The following GPNMB variants were observed in gnomAD, a reference collection of about 807,000 sequenced individuals.
GPNMB encodes glycoprotein nmb.
A neutral mutation model predicts 57.3 loss-of-function variants in GPNMB; 71 were observed. The ratio of observed to expected loss-of-function variants is 1.24; its 90% CI spans 1.02 to 1.51. GPNMB has a LOEUF of 1.51. GPNMB is among the 40% of genes most tolerant of loss of function. The pLI, the probability that GPNMB is intolerant of heterozygous loss-of-function variation, is 0.00. For synonymous variants in GPNMB, 253 were observed against 263.2 expected (o/e 0.96, Z 0.38); for missense variants, 677 against 691.9 (o/e 0.98, Z 0.24).
chr7:23,273,420 T>A (rs1489555069), intron 9 of GPNMB, 101 bp from the exon 10 acceptor site: 1 of 742,232 alleles, frequency 1.3e-6, no homozygotes, highest in African/African-American at 1.7e-5. Flanking sequence ...GAGCCATATA[T>A]CTTCTGTGAC....
At chr7:23,255,285 G>A (rs140511030) in intron 3 of GPNMB, among the ~76,000 whole-genome samples, 3,770 of 152,250 alleles carry the variant, frequency 0.025, 158 homozygotes, top group African/African-American at 0.086. Flanking sequence ...CCAAAGCGCC[G>A]GGATTACAGG....
chr7:23,257,142 T>C (rs1212824827), intron 4 of GPNMB, 77 bp downstream of exon 4: 2 of 1,231,284 alleles, frequency 1.6e-6, no homozygotes, highest in East Asian at 4.6e-5. Context: ...TACTCTATAA[T>C]TGAGAATGAT....
intron 4 of GPNMB, 83 bp downstream of exon 4, chr7:23,257,148 A>C (rs748879173): frequency 9.4e-6 from 11 of 1,171,790 alleles, no homozygotes; most frequent in Non-Finnish European, 9.0e-6. Context: ...ATAATTGAGA[A>C]TGATAACACA....
rs1782877995 is a variant in GPNMB, at chr7:23,260,082, G to T, written c.644G>T (p.Arg215Ile). The change falls in exon 5 of 11, where the codon AGA becomes ATA. Residue 215 changes from arginine to isoleucine, a missense_variant. By Grantham distance (97) the Arg-to-Ile change is moderately conservative. Transcript: ENST00000258733. ...CTCATGGAAGTGACTGTCTACAGAA[G>T]ACATGGACGGGCATATGTTCCCATC... ...PQLMEVTVYR[R>I]HGRAYVPIAQ... 4 of 1,614,064 alleles carry T rather than the reference G, an allele frequency of 2.5e-6. No individual in the cohort carries two copies. The highest frequency in any genetic ancestry group is 3.4e-6 in the Non-Finnish European group (4 of 1,179,936).
At chr7:23,273,830 C>T (rs755446171) in intron 10 of GPNMB, 3 of 580,830 alleles carry the variant, frequency 5.2e-6, no homozygotes, top group Non-Finnish European at 9.0e-6. Context: ...AGTAACTTTA[C>T]AAAATTATGT....
At chr7:23,247,022 G>A in intron 1 of GPNMB, 95 bp downstream of exon 1, 1 of 936,500 alleles carries the variant, frequency 1.1e-6, no homozygotes, top group Non-Finnish European at 1.8e-6. Flanking sequence ...TTGGACTGAA[G>A]TTCTTCAGGA....
chr7:23,270,228 T>A, intron 9 of GPNMB, 53 bp downstream of exon 9: 1 of 1,215,866 alleles, frequency 8.2e-7, no homozygotes, highest in Non-Finnish European at 1.2e-6. Context: ...GTAAAGTGTG[T>A]ATCCCATACT....
chr7:23,261,893 T>G (rs1483710587), intron 6 of GPNMB, among the ~76,000 whole-genome samples: 1 of 151,944 alleles, frequency 6.6e-6, no homozygotes, highest in Non-Finnish European at 1.5e-5. Context: ...TCCTTAAGAG[T>G]CCACTTTGGG....
At position 23,260,135 on chromosome 7, in the gene GPNMB, A is replaced by G. The variant is rs201959732; in HGVS notation, c.697A>G (p.Thr233Ala). Reference sequence around the variant, plus strand: ...ACAAGTGAAAGATGTGTACGTGGTAACAGGTGAGTGGTGTGAACTCTAACT... The same window carrying G: ...ACAAGTGAAAGATGTGTACGTGGTAGCAGGTGAGTGGTGTGAACTCTAACT... ...IAQVKDVYVV[T>A]DQIPVFVTMF... is the part of the protein sequence containing the mutation. The change falls in exon 5 of 11, where the codon ACA becomes GCA. Residue 233 changes from threonine (T) to alanine (A), a missense_variant. By Grantham distance (58) the Thr-to-Ala change is moderately conservative (BLOSUM62 0). Coordinates refer to ENST00000258733, the MANE Select transcript of GPNMB (RefSeq NM_002510.3). 31 of 1,613,818 alleles carry G rather than the reference A, an allele frequency of 1.9e-5. No individual in the cohort carries two copies. Among genetic ancestry groups the G allele is most frequent in the Non-Finnish European group, 2.3e-5 (27 of 1,179,846 alleles).
chr7:23,270,291 T>G, intron 9 of GPNMB, 116 bp downstream of exon 9: 1 of 658,186 alleles, frequency 1.5e-6, no homozygotes, highest in East Asian at 2.8e-5. Context: ...AGTACAAAAT[T>G]CATTGAACTC....
chr7:23,272,511 G>A (rs1475487687), intron 9 of GPNMB, among the ~76,000 whole-genome samples: 1 of 152,038 alleles, frequency 6.6e-6, no homozygotes, highest in Non-Finnish European at 1.5e-5. Context: ...GAGAGAGAGA[G>A]TGAGAAAGAG....
chr7:23,249,089 T>G (rs951166854), intron 1 of GPNMB, among the ~76,000 whole-genome samples: 2 of 152,222 alleles, frequency 1.3e-5, no homozygotes, highest in African/African-American at 4.8e-5. Flanking sequence ...GTTTATTTTA[T>G]TTTTTAAATT....
rs1782702384 is a variant in GPNMB, at chr7:23,253,409, T to G, written c.173T>G (p.Leu58Arg). 6.2e-7 allele frequency: 1 copy of G among 1,613,874 alleles called. No individual in the cohort carries two copies. Among genetic ancestry groups the G allele is most frequent in the African/African-American group, 1.3e-5 (1 of 74,908 alleles). The change falls in exon 2 of 11, where the codon CTC (leucine) becomes CGC (arginine). Residue 58 changes from leucine (L) to arginine (R), a missense_variant. Leu to Arg is a moderately radical substitution (Grantham distance 102). Coordinates refer to ENST00000258733, the MANE Select transcript of GPNMB (RefSeq NM_002510.3). ...GATGAAAATGACTGGAATGAAAAAC[T>G]CTACCCAGTGTGGAAGCGGGGAGAC... ...SSDENDWNEK[L>R]YPVWKRGDMR...
intron 6 of GPNMB, among the ~76,000 whole-genome samples, chr7:23,265,564 A>C (rs1164377460): frequency 6.6e-6 from 1 of 152,106 alleles, no homozygotes; most frequent in East Asian, 1.9e-4. Context: ...TCTGCTCATC[A>C]CAGTAAGACT....
intron 6 of GPNMB, among the ~76,000 whole-genome samples, chr7:23,262,482 T>C: frequency 6.6e-6 from 1 of 152,144 alleles, no homozygotes; most frequent in East Asian, 1.9e-4. Flanking sequence ...CAATTTGCTC[T>C]TTTTCTAATT....
intron 1 of GPNMB, among the ~76,000 whole-genome samples, chr7:23,251,625 G>T (rs1247777624): frequency 6.6e-6 from 1 of 152,118 alleles, no homozygotes; most frequent in East Asian, 1.9e-4. Context: ...TGTCCTCATA[G>T]TTAAATATGG....
chr7:23,269,992 AT>A lies in GPNMB; in HGVS notation c.1249del (p.Ser417LeufsTer24), dbSNP rs1783161165. 1 of 1,613,724 alleles carries A rather than the reference AT, an allele frequency of 6.2e-7. No homozygotes were observed. The highest frequency in any genetic ancestry group is 8.5e-7 in the Non-Finnish European group (1 of 1,179,942). On this transcript the variant is annotated frameshift_variant, in exon 9 of 11. Coordinates refer to ENST00000258733, the MANE Select transcript of GPNMB (RefSeq NM_002510.3). LOFTEE classifies it high-confidence loss of function. ...CATTCCCACGGAGGTCTGTACCATC[AT>A]TTCTGACCCCACCTGCGAGATCACC... The part of the protein sequence containing the change: ...GSIPTEVCTI[I>X]SDPTCEITQN...
chr7:23,266,198 C>G (rs1249818125), intron 6 of GPNMB: 1 of 276,158 alleles, frequency 3.6e-6, no homozygotes, highest in South Asian at 4.3e-5. Context: ...ATCTGCCCCC[C>G]TCGGCCTCCC....
intron 9 of GPNMB, among the ~76,000 whole-genome samples, chr7:23,272,678 A>G (rs920126251): frequency 3.9e-5 from 6 of 152,208 alleles, no homozygotes; most frequent in African/African-American, 1.2e-4. Context: ...ATGGATATTC[A>G]TGAAGCACCT....
Sources: allele counts gnomAD v4.1 joint callset (sites outside exome capture counted in the v4.1 genomes callset), GRCh38; gene constraint gnomAD v4.1.1; transcripts MANE v1.5; gene names NCBI Gene and HGNC (gene_info 2026-07-23, HGNC 2026-07-21).